LIMD2: variants seen among roughly 807,000 people sequenced by gnomAD.
The protein encoded by LIMD2 is LIM domain containing 2.
A neutral mutation model predicts 16.0 loss-of-function variants in LIMD2; 11 were observed. That is an observed-to-expected ratio of 0.69 (90% CI 0.43 to 1.14). The LOEUF (loss-of-function observed/expected upper bound fraction) is 1.14, where lower values mean the gene tolerates loss of function less well. Ranked by LOEUF, LIMD2 falls within the 50% of genes most tolerant of loss-of-function variation. The pLI is 0.00. For synonymous variants in LIMD2, 60 were observed against 67.1 expected (o/e 0.89, Z 0.52); for missense variants, 168 against 165.8 (o/e 1.01, Z -0.07).
At chr17:63,699,181 A>C (rs2035744218) in intron 2 of LIMD2, 76 bp downstream of exon 2, 2 of 1,593,256 alleles carry the variant, frequency 1.3e-6, no homozygotes, top group African/African-American at 1.3e-5. Flanking sequence ...GGGGGCCGGC[A>C]AACTCTGATG....
In LIMD2 at chr17:63,698,311, T is replaced by C. The variant is rs1401732678; in HGVS notation, c.*241A>G. ...CCTGGGGTGAGGTGGGGAGGGAGGC[T>C]GAACGAAGCAGGAAGCAGGGTGGTG... On this transcript the variant is annotated 3_prime_UTR_variant, in exon 5 of 5. Coordinates refer to ENST00000259006, the MANE Select transcript of LIMD2 (RefSeq NM_030576.4). 4 of 567,670 alleles carry C rather than the reference T, an allele frequency of 7.0e-6. No individual in the cohort carries two copies. In the Admixed American group the frequency reaches 1.3e-4, roughly 18 times the overall value. 35.2% of individuals were successfully genotyped at this position (567,670 alleles called of 1,614,324 possible). A position where few individuals can be genotyped will look rare whatever the true frequency, so the allele number is the denominator to read the frequency against.
At chr17:63,700,543 G>C (rs1424902556), upstream of LIMD2, 4 of 151,998 alleles carry the variant, frequency 2.6e-5, no homozygotes, top group Admixed American at 2.0e-4. This position sits in a 1 kb window ranked among gnomAD's most constrained non-coding sequence, Gnocchi z 7.1. Context: ...TAACCGGGCG[G>C]GGCCTGGGCC....
chr17:63,700,550 G>T (rs1471451409), upstream of LIMD2: 1 of 152,146 alleles, frequency 6.6e-6, no homozygotes, highest in Non-Finnish European at 1.5e-5. The surrounding 1 kb of genome is among the most constrained non-coding windows in gnomAD (Gnocchi z 7.1). Context: ...GCGGGGCCTG[G>T]GCCATTCACT....
chr17:63,699,775 C>A (rs1442890087), intron 1 of LIMD2: 2 of 301,262 alleles, frequency 6.6e-6, no homozygotes, highest in Non-Finnish European at 9.8e-6. Context: ...CCCGAGGTCC[C>A]CGCCCGCCCC....
Position 63,700,113 on chromosome 17 carries a change from G to A in LIMD2, c.-132C>T. 1.0e-6 allele frequency: 1 copy of A among 984,732 alleles called. No homozygotes were observed. Among genetic ancestry groups the A allele is most frequent in the Non-Finnish European group, 1.2e-6 (1 of 829,608 alleles). 61.0% of individuals were successfully genotyped at this position (984,732 alleles called of 1,614,324 possible). A position where few individuals can be genotyped will look rare whatever the true frequency, so the allele number is the denominator to read the frequency against. The stretch of plus-strand genomic sequence containing the variant: ...GAGGGCGCGGGCGCGAGCTGCTGCC[G>A]CTACCAGTGGTCCCCGAGCCACCGC... On this transcript the variant is annotated 5_prime_UTR_variant, in exon 1 of 5. Coordinates refer to ENST00000259006, the MANE Select transcript of LIMD2 (RefSeq NM_030576.4). The surrounding 1 kb of genome is among the most constrained non-coding windows in gnomAD (Gnocchi z 7.1).
rs1164824579 is a variant in LIMD2, at chr17:63,699,247, G to A, written c.42+10C>T. On this transcript the variant is annotated intron_variant, in intron 2 of 4. Coordinates refer to ENST00000259006, the MANE Select transcript of LIMD2 (RefSeq NM_030576.4). ...GTCCGGGGGGCCCTCCCACCCAGCC[G>A]GGCACTTACATGAGAGGGGGTGGCC... 2 of 1,611,444 alleles carry A rather than the reference G, an allele frequency of 1.2e-6. No homozygotes were observed. The highest frequency in any genetic ancestry group is 1.7e-5 in the Admixed American group (1 of 59,788).
At position 63,699,361 on chromosome 17, in the gene LIMD2, G is replaced by T. The variant is rs950357633; in HGVS notation, c.-50-13C>A. 1 of 1,547,246 alleles carries T rather than the reference G, an allele frequency of 6.5e-7. No individual in the cohort carries two copies. Among genetic ancestry groups the T allele is most frequent in the African/African-American group, 1.4e-5 (1 of 73,388 alleles). ...CACCCGCTGGGTTCTGCAAGGGGAA[G>T]TCAGTCGGGAGGGCCCCGCCAGCCC... On this transcript the variant is annotated splice_polypyrimidine_tract_variant and intron_variant, in intron 1 of 4. Coordinates refer to ENST00000259006, the MANE Select transcript of LIMD2 (RefSeq NM_030576.4).
chr17:63,697,428 AG>A lies in LIMD2; in HGVS notation c.*1123del, dbSNP rs1295976785. On this transcript the variant is annotated 3_prime_UTR_variant, in exon 5 of 5. Coordinates refer to ENST00000259006, the MANE Select transcript of LIMD2 (RefSeq NM_030576.4). ...GGGAGCTAGACAGCTGGAACCAGCC[AG>A]GGAACGCGGCAGCTTGCACCCCAGG... is the stretch of plus-strand genomic sequence containing the variant. 6.6e-6 allele frequency: 1 copy of A among 152,252 alleles called. No homozygotes were observed. Among genetic ancestry groups the A allele is most frequent in the Non-Finnish European group, 1.5e-5 (1 of 68,060 alleles). The allele number at this position is 152,252 out of a possible 1,614,324, so 9.4% of individuals were successfully genotyped here.
intron 1 of LIMD2, chr17:63,699,670 C>T: frequency 3.4e-6 from 1 of 296,216 alleles, no homozygotes; most frequent in Non-Finnish European, 5.2e-6. Flanking sequence ...GGCGGGGCCG[C>T]GATGAGAAGC....
intron 2 of LIMD2, 55 bp from the exon 3 acceptor site, chr17:63,699,124 G>A (rs2035743119): frequency 1.3e-6 from 2 of 1,580,002 alleles, no homozygotes; most frequent in Non-Finnish European, 8.6e-7. Context: ...CTGGATCAGG[G>A]CTGCAGCCAT....
In LIMD2 at chr17:63,698,866, G is replaced by A. The variant is rs2035736748; in HGVS notation, c.157C>T (p.Leu53=). The change falls in exon 4 of 5, where the codon CTG becomes TTG. Residue 53 remains leucine, a synonymous_variant. Coordinates refer to ENST00000259006, the MANE Select transcript of LIMD2 (RefSeq NM_030576.4). ...CQKTVYPMER[L]VADKLIFHNS... is the part of the protein sequence containing the mutation. ...TGGAAAATGAGCTTGTCGGCCACCAGCCGCTCCATGGGGTACACGGTCTTC... is the reference window on the plus strand; with the variant it reads ...TGGAAAATGAGCTTGTCGGCCACCAACCGCTCCATGGGGTACACGGTCTTC... The A allele has an allele frequency of 6.2e-7, 1 of 1,612,830 alleles. No individual in the cohort carries two copies. The highest frequency in any genetic ancestry group is 1.1e-5 in the South Asian group (1 of 91,088).
Position 63,698,560 on chromosome 17 carries a change from T to C in LIMD2, c.376A>G (p.Thr126Ala), listed in dbSNP as rs199852029. ...AHKEVDPGTK[T>A]A is the part of the protein sequence containing the mutation. ...GGAAGGTTACAGAGGCCTCAGGCCG[T>C]CTTGGTGCCGGGGTCCACCTCCTTG... Residue 126 changes from threonine to alanine, a missense_variant, in exon 5 of 5, where the codon ACG (threonine) becomes GCG (alanine). Coordinates refer to ENST00000259006, the MANE Select transcript of LIMD2 (RefSeq NM_030576.4). The C allele has an allele frequency of 6.8e-6, 11 of 1,613,606 alleles. No individual in the cohort carries two copies. In the Admixed American group the frequency reaches 1.7e-4, roughly 24 times the overall value.
At chr17:63,699,895 A>G in intron 1 of LIMD2, 137 bp downstream of exon 1, 1 of 983,850 alleles carries the variant, frequency 1.0e-6, no homozygotes, top group Non-Finnish European at 1.2e-6. Flanking sequence ...CCCTGAAACG[A>G]GGACTCGAGC....
chr17:63,698,674 A>G lies in LIMD2; in HGVS notation c.262T>C (p.Cys88Arg). Reference sequence around the variant, plus strand: ...AACAGCTGCTGGAAGTGGGGTTTGCAGTAGAACTCCCCGTGCAGCGCGGCG... The same window carrying G: ...AACAGCTGCTGGAAGTGGGGTTTGCGGTAGAACTCCCCGTGCAGCGCGGCG... ...SYAALHGEFY[C>R]KPHFQQLFKS... Residue 88 changes from cysteine (C) to arginine (R), a missense_variant, in exon 5 of 5, where the codon TGC (cysteine) becomes CGC (arginine). Cys to Arg is a radical substitution (Grantham distance 180). Transcript: ENST00000259006. 6.2e-7 allele frequency: 1 copy of G among 1,613,562 alleles called. No individual in the cohort carries two copies. Among genetic ancestry groups the G allele is most frequent in the Non-Finnish European group, 8.5e-7 (1 of 1,179,932 alleles).
intron 1 of LIMD2, chr17:63,699,772 T>TGGCCCCCCCCCCCC: frequency 3.0e-6 from 1 of 329,574 alleles, no homozygotes; most frequent in Non-Finnish European, 4.3e-6. Context: ...GCGCCCGAGG[T>TGGCCCCCCCCCCCC]CCCCGCCCGC....
chr17:63,699,614 G>A, intron 1 of LIMD2: 1 of 334,900 alleles, frequency 3.0e-6, no homozygotes, highest in Non-Finnish European at 5.3e-6. Context: ...GCCGCCGTGT[G>A]CGTCCCGCGG....
chr17:63,700,273 T>G, upstream of LIMD2: 1 of 488,014 alleles, frequency 2.0e-6, no homozygotes, highest in Non-Finnish European at 2.6e-6. This position sits in a 1 kb window ranked among gnomAD's most constrained non-coding sequence, Gnocchi z 7.1. Context: ...TGTCTTCCCC[T>G]CGCCGCCGTC....
rs370859086 is a variant in LIMD2 at position 63,698,559 on chromosome 17, G to A, written c.377C>T (p.Thr126Met). 46 of 1,613,516 alleles carry A rather than the reference G, an allele frequency of 2.9e-5. No homozygotes were observed. The highest frequency in any genetic ancestry group is 5.0e-5 in the Admixed American group (3 of 59,984). Residue 126 changes from threonine (T) to methionine (M), a missense_variant, in exon 5 of 5, where the codon ACG (threonine) becomes ATG (methionine). Coordinates refer to ENST00000259006, the MANE Select transcript of LIMD2 (RefSeq NM_030576.4). ...TGGAAGGTTACAGAGGCCTCAGGCC[G>A]TCTTGGTGCCGGGGTCCACCTCCTT... ...AHKEVDPGTKTA is the reference protein window; with the variant it reads ...AHKEVDPGTKMA
At chr17:63,699,824 C>A in intron 1 of LIMD2, 1 of 982,856 alleles carries the variant, frequency 1.0e-6, no homozygotes, top group Non-Finnish European at 1.2e-6. Flanking sequence ...AGGACCGGAC[C>A]CCAGACCCCG....
Sources: gnomAD v4.1 joint callset for allele counts on GRCh38, gnomAD v4.1.1 for gene constraint, Gnocchi (gnomAD v3.1) non-coding constraint, MANE v1.5 for transcripts, NCBI Gene and HGNC (gene_info 2026-07-23, HGNC 2026-07-21) for gene names.